Variants in SLC4A5 observed in about 807,000 individuals in gnomAD.
The protein encoded by SLC4A5 is electrogenic sodium bicarbonate cotransporter 4.
SLC4A5 carries 96 observed loss-of-function variants against 120.4 expected under a neutral mutation model. That is an observed-to-expected ratio of 0.80 (90% CI 0.68 to 0.94). SLC4A5 has a LOEUF of 0.94. Among genes scored for constraint, SLC4A5 ranks in the 40% least tolerant of loss-of-function variants. The pLI is 0.00. For synonymous variants in SLC4A5, 550 were observed against 571.1 expected (o/e 0.96, Z 0.53); for missense variants, 1,259 against 1,459.5 (o/e 0.86, Z 2.24).
chr2:74,262,196 C>T (rs17009792), exon 11 of SLC4A5: 52,120 of 1,541,390 alleles, frequency 0.034, 1,690 homozygotes, highest in African/African-American at 0.19. Context: ...GTGGTGTAGA[C>T]TCGGGCCAGC....
rs932464009 is a variant in SLC4A5 at position 74,232,777 on chromosome 2, C to T, written c.2596-130G>A. 68 of 1,182,336 alleles carry T rather than the reference C, an allele frequency of 5.8e-5. 1 individual carries two copies. Among genetic ancestry groups the T allele is most frequent in the South Asian group, 1.7e-4 (12 of 69,246 alleles). The allele number at this position is 1,182,336 out of a possible 1,614,324, so 73.2% of individuals were successfully genotyped here. The stretch of plus-strand genomic sequence containing the variant: ...GATACTGAAGGGGCCTGAGGTGCTC[C>T]TTGCAAGGATTGCAGAGGTGGGTGT... On this transcript the variant is annotated intron_variant, in intron 23 of 30. Coordinates refer to ENST00000394019, the Ensembl canonical transcript of SLC4A5.
At chr2:74,265,465 G>A (rs1181749742) in intron 8 of SLC4A5, among the ~76,000 whole-genome samples, 1 of 152,208 alleles carries the variant, frequency 6.6e-6, no homozygotes, top group Admixed American at 6.5e-5. Flanking sequence ...GTGAAGGAAA[G>A]TGGCATCCAG....
chr2:74,333,728 T>C (rs1286532842), intron 4 of SLC4A5, among the ~76,000 whole-genome samples: 5 of 152,202 alleles, frequency 3.3e-5, no homozygotes, highest in Non-Finnish European at 5.9e-5. Flanking sequence ...GCCTCCATTT[T>C]CTTCAGATAC....
chr2:74,228,350 G>A (rs944271607), intron 25 of SLC4A5, among the ~76,000 whole-genome samples: 5 of 152,186 alleles, frequency 3.3e-5, no homozygotes, highest in South Asian at 2.1e-4. Context: ...GCATCCGGCC[G>A]GGTGTGGTGG....
At chr2:74,221,734 TAGGAG>T (rs1314372434) in intron 29 of SLC4A5, among the ~76,000 whole-genome samples, 1 of 151,596 alleles carries the variant, frequency 6.6e-6, no homozygotes, top group Non-Finnish European at 1.5e-5. Context: ...AAGAGAGAAA[TAGGAG>T]TGGGGGAGGA....
At chr2:74,232,578 G>C in exon 24 of SLC4A5, 1 of 1,613,964 alleles carries the variant, frequency 6.2e-7, no homozygotes, top group Non-Finnish European at 8.5e-7. Flanking sequence ...TACCAGGGGA[G>C]CCCCATAAAG....
At chr2:74,250,126 T>C (rs1032315999) in intron 17 of SLC4A5, among the ~76,000 whole-genome samples, 20 of 152,194 alleles carry the variant, frequency 1.3e-4, no homozygotes, top group Non-Finnish European at 2.1e-4. Flanking sequence ...TAAATAATCA[T>C]TAAGTTTGGT....
intron 16 of SLC4A5, chr2:74,250,823 T>C (rs535150460): frequency 3.3e-6 from 1 of 302,438 alleles, no homozygotes; most frequent in African/African-American, 2.1e-5. Context: ...GGTCCACAGA[T>C]GGTGGTCCTC....
chr2:74,307,440 G>A, intron 6 of SLC4A5: 1 of 632,334 alleles, frequency 1.6e-6, no homozygotes, highest in Non-Finnish European at 3.0e-6. Context: ...AGTGACACTG[G>A]TGTCATCAAT....
intron 30 of SLC4A5, among the ~76,000 whole-genome samples, 178 bp downstream of exon 30, chr2:74,221,256 C>T (rs1694634031): frequency 2.0e-5 from 3 of 152,212 alleles, no homozygotes; most frequent in Admixed American, 6.5e-5. Context: ...AGAAGACATA[C>T]TTGTTTCTTG....
In SLC4A5 at chr2:74,221,505, G is replaced by A; in HGVS notation, c.3332-4C>T. 1.9e-6 allele frequency: 3 copies of A among 1,613,832 alleles called. No homozygotes were observed. The Admixed American group carries it at 5.0e-5, about 27-fold the overall frequency. On this transcript the variant is annotated splice_region_variant and splice_polypyrimidine_tract_variant and intron_variant, in intron 29 of 30. Transcript: ENST00000394019. ...CTCCAACTGGAAGATCTTTTTCCTG[G>A]CAGGAAAATGAAAAATGTCAGATGT... is the stretch of plus-strand genomic sequence containing the variant.
chr2:74,233,907 G>T (rs1670182962), intron 22 of SLC4A5, among the ~76,000 whole-genome samples: 1 of 152,168 alleles, frequency 6.6e-6, no homozygotes, highest in Non-Finnish European at 1.5e-5. Flanking sequence ...CAGCAGAAAA[G>T]AATAAAGAAA....
At chr2:74,281,838 T>C (rs932782023) in intron 8 of SLC4A5, among the ~76,000 whole-genome samples, 2 of 152,220 alleles carry the variant, frequency 1.3e-5, no homozygotes, top group African/African-American at 4.8e-5. Flanking sequence ...TAAATACTTT[T>C]ATTAAAGCGT....
In SLC4A5 at chr2:74,304,573, GC is replaced by G; in HGVS notation, c.186del (p.Pro63GlnfsTer8). ...GTCAGTTCCTGCTGTGGCTGGTCTG[GC>G]CGCAGGCCCCAGTGGACTTTTTGCA... On this transcript the variant is annotated frameshift_variant, in exon 7 of 31. Coordinates refer to ENST00000394019, the Ensembl canonical transcript of SLC4A5. LOFTEE classifies it high-confidence loss of function. The G allele has an allele frequency of 6.2e-7, 1 of 1,614,198 alleles. No homozygotes were observed. Among genetic ancestry groups the G allele is most frequent in the East Asian group, 2.2e-5 (1 of 44,882 alleles).
chr2:74,248,630 T>G, intron 17 of SLC4A5, 144 bp from the exon 18 acceptor site: 2 of 938,300 alleles, frequency 2.1e-6, no homozygotes, highest in Non-Finnish European at 3.1e-6. Context: ...AATCCTGTTC[T>G]CCATCTCCTA....
intron 18 of SLC4A5, 149 bp downstream of exon 18, chr2:74,248,204 G>T: frequency 1.9e-6 from 2 of 1,063,976 alleles, no homozygotes; most frequent in Admixed American, 2.3e-5. Context: ...GGAGTCAGGA[G>T]GGGCCACCTG....
At chr2:74,308,028 G>T in intron 6 of SLC4A5, 2 of 528,478 alleles carry the variant, frequency 3.8e-6, no homozygotes, top group South Asian at 1.5e-5. Flanking sequence ...GGAGGAGAGT[G>T]AGAGGAAAGG....
At chr2:74,228,737 T>C (rs1694944695) in intron 25 of SLC4A5, among the ~76,000 whole-genome samples, 1 of 136,376 alleles carries the variant, frequency 7.3e-6, no homozygotes, top group Non-Finnish European at 1.5e-5. Flanking sequence ...AGAACAAAAG[T>C]GTGTAAACTA....
chr2:74,227,461 G>A, intron 26 of SLC4A5: 1 of 1,573,810 alleles, frequency 6.4e-7, no homozygotes, highest in Non-Finnish European at 8.6e-7. Context: ...AAACAAAAAT[G>A]TTTTCTTCTG....
Sources: gnomAD v4.1 joint callset for allele counts (sites outside exome capture counted in the v4.1 genomes callset) on GRCh38, gnomAD v4.1.1 for gene constraint, MANE v1.5 for transcripts, NCBI Gene and HGNC (gene_info 2026-07-23, HGNC 2026-07-21) for gene names.